The following RHBDD1 variants were observed in gnomAD, a reference collection of about 807,000 sequenced individuals.
RHBDD1 encodes the protein rhomboid domain containing 1, also known as rhomboid-related protein 4.
A neutral mutation model predicts 36.3 loss-of-function variants in RHBDD1; 38 were observed. The observed-to-expected ratio is 1.05, with a 90% CI of 0.81 to 1.37. The LOEUF (loss-of-function observed/expected upper bound fraction) is 1.37, where lower values mean the gene tolerates loss of function less well. Among genes scored for constraint, RHBDD1 ranks in the 40% most tolerant of loss-of-function variants. The pLI is 0.00. For missense variants in RHBDD1, 393 were observed against 377.6 expected (o/e 1.04, Z -0.34); for synonymous variants, 151 against 136.5 (o/e 1.11, Z -0.74).
chr2:226,913,382 A>G (rs1948655664), intron 7 of RHBDD1, among the ~76,000 whole-genome samples: 1 of 152,248 alleles, frequency 6.6e-6, no homozygotes. Flanking sequence ...TCTTTATGCC[A>G]GAATGAGATT....
chr2:226,968,623 A>AC (rs1412554811), intron 8 of RHBDD1, among the ~76,000 whole-genome samples: 2 of 152,224 alleles, frequency 1.3e-5, no homozygotes, highest in Non-Finnish European at 1.5e-5. Flanking sequence ...AAAAAAGAGC[A>AC]TCGCACTTGG....
chr2:226,824,387 G>A, the RHBDD1 span, among the ~76,000 whole-genome samples: 1 of 152,016 alleles, frequency 6.6e-6, no homozygotes, highest in Non-Finnish European at 1.5e-5. Flanking sequence ...AAATTAAATT[G>A]TAAAAAAATC....
chr2:226,917,442 G>A (rs1948991298), intron 8 of RHBDD1, among the ~76,000 whole-genome samples: 1 of 151,988 alleles, frequency 6.6e-6, no homozygotes, highest in African/African-American at 2.4e-5. Flanking sequence ...TTACACATCA[G>A]ATGCTATAAG....
At position 226,857,874 on chromosome 2, in the gene RHBDD1, TA is replaced by T. The variant is rs886997422; in HGVS notation, c.-90-6721del. Among the ~76,000 whole-genome samples the T allele has an allele frequency of 5.3e-5, 8 of 151,414 alleles. No individual in the cohort carries two copies. The East Asian group carries it at 9.7e-4, about 18-fold the overall frequency. On this transcript the variant is annotated intron_variant, in intron 3 of 8. Transcript: ENST00000392062. ...GATATGCACAACCTTGTGAATATAC[TA>T]AAAAAAAACACTGAATTGTGCTCCT...
At chr2:226,945,621 C>G (rs183488017) in intron 8 of RHBDD1, among the ~76,000 whole-genome samples, 10 of 152,034 alleles carry the variant, frequency 6.6e-5, no homozygotes, top group Admixed American at 3.9e-4. Flanking sequence ...GGTAAACATA[C>G]GTCTGCATGT....
At chr2:226,956,416 TC>T (rs1951796793) in intron 8 of RHBDD1, among the ~76,000 whole-genome samples, 3 of 152,184 alleles carry the variant, frequency 2.0e-5, no homozygotes, top group Admixed American at 2.0e-4. Context: ...TTTGACTGAT[TC>T]CCCAGGAGAC....
chr2:226,823,587 A>C, the RHBDD1 span, among the ~76,000 whole-genome samples: 2 of 152,214 alleles, frequency 1.3e-5, no homozygotes, highest in Admixed American at 6.5e-5. Flanking sequence ...ATACTGCAGC[A>C]AAGGGGCATC....
chr2:226,870,143 C>G (rs1944668069), intron 5 of RHBDD1, among the ~76,000 whole-genome samples: 1 of 152,194 alleles, frequency 6.6e-6, no homozygotes, highest in South Asian at 2.1e-4. Context: ...GGGCCGGGCT[C>G]ACATACTGGC....
At chr2:226,824,100 C>CTA in the RHBDD1 span, among the ~76,000 whole-genome samples, 5 of 151,686 alleles carry the variant, frequency 3.3e-5, no homozygotes, top group Admixed American at 2.0e-4. Context: ...TTTTCTCTCT[C>CTA]TATATATATA....
At chr2:226,831,209 G>C (rs974269127), upstream of RHBDD1, among the ~76,000 whole-genome samples, 1 of 152,116 alleles carries the variant, frequency 6.6e-6, no homozygotes, top group Admixed American at 6.5e-5. Flanking sequence ...TTAAATATTT[G>C]ATGGATTGAC....
chr2:226,841,428 T>A (rs2124970523), intron 3 of RHBDD1, among the ~76,000 whole-genome samples: 1 of 152,258 alleles, frequency 6.6e-6, no homozygotes, highest in Admixed American at 6.5e-5. Flanking sequence ...AAGCCCCACA[T>A]CCATTAGCTA....
At chr2:226,909,608 C>T (rs1948369411) in intron 7 of RHBDD1, among the ~76,000 whole-genome samples, 1 of 152,018 alleles carries the variant, frequency 6.6e-6, no homozygotes, top group African/African-American at 2.4e-5. Context: ...AAAATTAGGT[C>T]ATGAGGGTAG....
At chr2:226,870,563 C>T (rs1944717148) in intron 5 of RHBDD1, among the ~76,000 whole-genome samples, 1 of 152,112 alleles carries the variant, frequency 6.6e-6, no homozygotes, top group Admixed American at 6.5e-5. Context: ...CAGTTGACCC[C>T]TGAACAACTT....
intron 3 of RHBDD1, among the ~76,000 whole-genome samples, chr2:226,859,357 T>A (rs1160619757): frequency 6.6e-6 from 1 of 152,178 alleles, no homozygotes; most frequent in Non-Finnish European, 1.5e-5. Flanking sequence ...TGCATAGCAT[T>A]TACATTGTAT....
the RHBDD1 span, among the ~76,000 whole-genome samples, chr2:226,823,246 G>A: frequency 1.3e-5 from 2 of 152,234 alleles, no homozygotes; most frequent in Non-Finnish European, 2.9e-5. Flanking sequence ...AAATCTGTCA[G>A]TCTCTTGATC....
chr2:226,939,381 G>C (rs1384485247), intron 8 of RHBDD1, among the ~76,000 whole-genome samples: 1 of 152,138 alleles, frequency 6.6e-6, no homozygotes, highest in Non-Finnish European at 1.5e-5. Flanking sequence ...AAACTCCGTC[G>C]TCTCAGCCCA....
At chr2:226,989,915 C>G (rs2149547637) in intron 8 of RHBDD1, among the ~76,000 whole-genome samples, 1 of 152,208 alleles carries the variant, frequency 6.6e-6, no homozygotes, top group Non-Finnish European at 1.5e-5. Flanking sequence ...TTTTGAGATT[C>G]CAGATATTAT....
At chr2:226,901,989 G>A (rs1947636150) in intron 5 of RHBDD1, among the ~76,000 whole-genome samples, 1 of 152,092 alleles carries the variant, frequency 6.6e-6, no homozygotes, top group African/African-American at 2.4e-5. Context: ...TAGTTGCTGT[G>A]GTCATGGATG....
At chr2:226,908,600 C>A in intron 6 of RHBDD1, 2 of 525,308 alleles carry the variant, frequency 3.8e-6, no homozygotes, top group Non-Finnish European at 6.7e-6. Flanking sequence ...CACACACACA[C>A]ACACACACAC....
Sources: allele counts gnomAD v4.1 joint callset (sites outside exome capture counted in the v4.1 genomes callset), GRCh38; gene constraint gnomAD v4.1.1; transcripts MANE v1.5; gene names NCBI Gene and HGNC (gene_info 2026-07-23, HGNC 2026-07-21).